The following PLD1 variants were observed in gnomAD, a reference collection of about 807,000 sequenced individuals.
PLD1 encodes the protein phospholipase D1.
In PLD1, 112 loss-of-function variants were observed where a neutral mutation model predicts 137.1. That is an observed-to-expected ratio of 0.82 (90% CI 0.70 to 0.96). PLD1 has a LOEUF of 0.96. Ranked by LOEUF, PLD1 falls within the 40% of genes least tolerant of loss-of-function variation. The pLI is 0.00. For synonymous variants in PLD1, 431 were observed against 454.7 expected (o/e 0.95, Z 0.66); for missense variants, 1,321 against 1,342.0 (o/e 0.98, Z 0.24).
At chr3:171,676,102 A>G (rs762825122) in intron 18 of PLD1, among the ~76,000 whole-genome samples, 11 of 152,184 alleles carry the variant, frequency 7.2e-5, no homozygotes, top group Non-Finnish European at 1.6e-4. Flanking sequence ...TAGGCCTCCC[A>G]AAGTGCCAGG....
At chr3:171,634,954 C>A (rs1018371829) in intron 23 of PLD1, among the ~76,000 whole-genome samples, 15 of 152,064 alleles carry the variant, frequency 9.9e-5, no homozygotes, top group Non-Finnish European at 2.1e-4. Flanking sequence ...TCCTCTACAC[C>A]CTATTATTCT....
At chr3:171,738,834 C>T (rs1181448815) in intron 1 of PLD1, among the ~76,000 whole-genome samples, 1 of 152,164 alleles carries the variant, frequency 6.6e-6, no homozygotes, top group Non-Finnish European at 1.5e-5. Context: ...CAGAAGAGTT[C>T]ACATGGATAT....
intron 21 of PLD1, among the ~76,000 whole-genome samples, chr3:171,652,702 G>C (rs2108407672): frequency 6.7e-6 from 1 of 149,418 alleles, no homozygotes; most frequent in South Asian, 2.1e-4. Flanking sequence ...CCCAGGCTAA[G>C]AGATCCTCCC....
intron 1 of PLD1, among the ~76,000 whole-genome samples, chr3:171,764,833 AAGAAAGAAAGAAAGAAAG>A: frequency 1.3e-4 from 1 of 7,692 alleles, no homozygotes; most frequent in Middle Eastern, 0.083. Context: ...AAGAGAAAGA[AAGAAAGAAAGAAAGAAAG>A]AAAGAAAGAA....
chr3:171,747,583 C>T (rs1720332112), intron 1 of PLD1, among the ~76,000 whole-genome samples: 1 of 151,960 alleles, frequency 6.6e-6, no homozygotes, highest in Admixed American at 6.6e-5. Flanking sequence ...AACCAGGATT[C>T]CAAAGCCCAT....
At chr3:171,699,114 T>TA (rs757245482) in intron 12 of PLD1, among the ~76,000 whole-genome samples, 5 of 152,104 alleles carry the variant, frequency 3.3e-5, no homozygotes, top group Admixed American at 6.5e-5. Context: ...CCTATTACAT[T>TA]AAAAAAATCA....
chr3:171,779,959 A>G lies in PLD1; in HGVS notation c.-32+30440T>C, dbSNP rs185189940. Among the ~76,000 whole-genome samples the G allele has an allele frequency of 5.2e-5, 5 of 96,028 alleles. No homozygotes were observed. In the South Asian group the frequency reaches 1.8e-3, roughly 35 times the overall value. The allele number at this position is 96,028 out of a possible 152,430, so 63.0% of individuals were successfully genotyped here. A position where few individuals can be genotyped will look rare whatever the true frequency, so the allele number is the denominator to read the frequency against. On this transcript the variant is annotated intron_variant, in intron 1 of 26. Transcript: ENST00000351298. The stretch of plus-strand genomic sequence containing the variant: ...AAGTCTGAGATTCAGGACTGGGGTT[A>G]GGATATGTAAGTCTGAGATTCAGGC...
At chr3:171,735,100 A>G in intron 4 of PLD1, 130 bp from the exon 5 acceptor site, 1 of 623,364 alleles carries the variant, frequency 1.6e-6, no homozygotes, top group Non-Finnish European at 2.9e-6. Flanking sequence ...ACAATAGACT[A>G]GTTAGCCGAT....
intron 1 of PLD1, among the ~76,000 whole-genome samples, chr3:171,783,160 G>A (rs1309527803): frequency 6.6e-6 from 1 of 152,144 alleles, no homozygotes; most frequent in African/African-American, 2.4e-5. Context: ...ATAGTCACCT[G>A]GGAGAGTGAG....
intron 1 of PLD1, among the ~76,000 whole-genome samples, chr3:171,769,494 T>C (rs922202209): frequency 1.3e-5 from 2 of 152,322 alleles, no homozygotes; most frequent in East Asian, 3.9e-4. Context: ...ATATGGCATG[T>C]ATATAAAACA....
intron 1 of PLD1, chr3:171,791,692 G>A (rs1054341000): frequency 6.6e-6 from 1 of 152,276 alleles, no homozygotes; most frequent in Non-Finnish European, 1.5e-5. Context: ...AGGCTGGATC[G>A]AAGTATTGAC....
intron 12 of PLD1, among the ~76,000 whole-genome samples, chr3:171,694,911 G>C (rs749172827): frequency 5.3e-5 from 8 of 152,126 alleles, no homozygotes; most frequent in Non-Finnish European, 1.2e-4. Context: ...AAATAGGGTA[G>C]AGACTTTGTC....
chr3:171,756,484 T>C (rs1283773991), intron 1 of PLD1, among the ~76,000 whole-genome samples: 1 of 152,168 alleles, frequency 6.6e-6, no homozygotes, highest in Non-Finnish European at 1.5e-5. Context: ...GTCTGTCACA[T>C]TTAAGAAGCA....
intron 1 of PLD1, among the ~76,000 whole-genome samples, chr3:171,755,990 G>GGAAC: frequency 6.6e-6 from 1 of 152,240 alleles, no homozygotes; most frequent in South Asian, 2.1e-4. Context: ...CCAGAATCCT[G>GGAAC]GAACTCATCC....
In PLD1 at chr3:171,639,472, AT is replaced by A. The variant is rs1289539240; in HGVS notation, c.2593+3367del. On this transcript the variant is annotated intron_variant, in intron 23 of 26. Coordinates refer to ENST00000351298, the MANE Select transcript of PLD1 (RefSeq NM_002662.5). ...TATATAAATTAGATATAATATATTC[AT>A]TTTTAATAGATAAATATTTTATTTA... Among the ~76,000 whole-genome samples, 264 of 120,272 alleles carry A rather than the reference AT, an allele frequency of 2.2e-3. 1 individual carries two copies. Among genetic ancestry groups the A allele is most frequent in the Non-Finnish European group, 3.4e-3 (215 of 63,116 alleles). 78.9% of individuals were successfully genotyped at this position (120,272 alleles called of 152,430 possible). A position where few individuals can be genotyped will look rare whatever the true frequency, so the allele number is the denominator to read the frequency against.
chr3:171,606,106 C>T (rs957738697), intron 25 of PLD1, among the ~76,000 whole-genome samples: 1 of 152,176 alleles, frequency 6.6e-6, no homozygotes, highest in Non-Finnish European at 1.5e-5. Flanking sequence ...ATGATGGTGG[C>T]TTGGGCCTGG....
At chr3:171,801,634 G>A (rs988501083) in intron 1 of PLD1, among the ~76,000 whole-genome samples, 6 of 152,160 alleles carry the variant, frequency 3.9e-5, no homozygotes, top group African/African-American at 1.4e-4. Flanking sequence ...TCACCGTGTT[G>A]GTCAGGCTGG....
At chr3:171,731,629 A>T (rs1358959932) in intron 6 of PLD1, among the ~76,000 whole-genome samples, 1 of 151,978 alleles carries the variant, frequency 6.6e-6, no homozygotes, top group Non-Finnish European at 1.5e-5. Flanking sequence ...AAAATACAAA[A>T]ATTTGCTGTA....
At chr3:171,787,976 G>T (rs1723071928) in intron 1 of PLD1, among the ~76,000 whole-genome samples, 2 of 152,210 alleles carry the variant, frequency 1.3e-5, no homozygotes, top group South Asian at 4.1e-4. Flanking sequence ...GGAGGCTGAG[G>T]CTGGTGGATC....
Sources: gnomAD v4.1 joint callset for allele counts (sites outside exome capture counted in the v4.1 genomes callset) on GRCh38, gnomAD v4.1.1 for gene constraint, MANE v1.5 for transcripts, NCBI Gene and HGNC (gene_info 2026-07-23, HGNC 2026-07-21) for gene names.